SPRED2: variants seen among roughly 807,000 people sequenced by gnomAD.
SPRED2 encodes the protein sprouty related EVH1 domain containing 2, also known as sprouty-related, EVH1 domain-containing protein 2.
In SPRED2, 47 loss-of-function variants were observed where a neutral mutation model predicts 43.0. The observed-to-expected ratio is 1.09, with a 90% CI of 0.87 to 1.40. The LOEUF (loss-of-function observed/expected upper bound fraction) is 1.40. SPRED2 is among the 40% of genes most tolerant of loss of function. SPRED2 has a pLI of 0.00. For missense variants in SPRED2, 561 were observed against 586.4 expected, an observed-to-expected ratio of 0.96 and a Z score of 0.45; for synonymous variants, 225 against 225.7, an observed-to-expected ratio of 1.00 and a Z score of 0.03.
chr2:65,344,836 T>TC lies in SPRED2; in HGVS notation c.86dup (p.Trp30MetfsTer16). ...TCCCGCCTCCTTCCTGTGGGAACCA[T>TC]CCCCCGCTGGAGTCATCTCTGGTCA... is the stretch of plus-strand genomic sequence containing the variant. On this transcript the variant is annotated frameshift_variant, in exon 2 of 6. Coordinates refer to ENST00000356388, the MANE Select transcript of SPRED2 (RefSeq NM_181784.3). LOFTEE classifies it high-confidence loss of function. The TC allele has an allele frequency of 1.2e-6, 2 of 1,614,012 alleles. No individual in the cohort carries two copies. The highest frequency in any genetic ancestry group is 8.5e-7 in the Non-Finnish European group (1 of 1,180,008).
intron 1 of SPRED2, among the ~76,000 whole-genome samples, chr2:65,422,487 G>A (rs1676452943): frequency 6.6e-6 from 1 of 152,190 alleles, no homozygotes; most frequent in South Asian, 2.1e-4. Flanking sequence ...GGCAGGCTAG[G>A]TGCTCTATAT....
At chr2:65,409,272 G>A (rs978533636) in intron 1 of SPRED2, among the ~76,000 whole-genome samples, 4 of 152,188 alleles carry the variant, frequency 2.6e-5, no homozygotes, top group Admixed American at 6.5e-5. Flanking sequence ...ACATGAAAAT[G>A]GAGATGTGCT....
chr2:65,420,934 C>A (rs1378967341), intron 1 of SPRED2, among the ~76,000 whole-genome samples: 1 of 152,224 alleles, frequency 6.6e-6, no homozygotes, highest in South Asian at 2.1e-4. Context: ...AGAAACAACA[C>A]AACCACTTCC....
chr2:65,334,795 G>A (rs764687980), intron 2 of SPRED2, 22 bp from the exon 3 acceptor site: 1 of 1,613,386 alleles, frequency 6.2e-7, no homozygotes, highest in East Asian at 2.2e-5. Context: ...AAACACACAG[G>A]CTGGTTACTA....
chr2:65,329,894 A>C (rs918519621), intron 4 of SPRED2, among the ~76,000 whole-genome samples: 1 of 152,134 alleles, frequency 6.6e-6, no homozygotes, highest in Non-Finnish European at 1.5e-5. Context: ...AACTGAGTTC[A>C]TTTCCTGAAA....
At chr2:65,327,022 T>A (rs1447366311) in intron 4 of SPRED2, among the ~76,000 whole-genome samples, 1 of 151,306 alleles carries the variant, frequency 6.6e-6, no homozygotes, top group Admixed American at 6.6e-5. Flanking sequence ...TTTGAAAAAA[T>A]TTTATGTAGA....
At chr2:65,401,933 GCGCGCACACACACA>G (rs1483716628) in intron 1 of SPRED2, among the ~76,000 whole-genome samples, 12 of 83,822 alleles carry the variant, frequency 1.4e-4, no homozygotes, top group South Asian at 7.1e-4. Flanking sequence ...ATTAGCGCGC[GCGCGCACACACACA>G]CACACACACA....
At chr2:65,358,609 A>C (rs762239660) in intron 1 of SPRED2, among the ~76,000 whole-genome samples, 1 of 152,252 alleles carries the variant, frequency 6.6e-6, no homozygotes, top group Admixed American at 6.5e-5. Flanking sequence ...CCTCTGCTAA[A>C]GCAGCTCAGT....
intron 1 of SPRED2, among the ~76,000 whole-genome samples, chr2:65,419,507 C>T (rs981046208): frequency 1.3e-5 from 2 of 152,038 alleles, no homozygotes; most frequent in African/African-American, 4.8e-5. Flanking sequence ...AACAATAATT[C>T]CCAACTTTCC....
At chr2:65,317,505 T>C (rs990418015) in intron 4 of SPRED2, among the ~76,000 whole-genome samples, 1 of 146,544 alleles carries the variant, frequency 6.8e-6, no homozygotes, top group African/African-American at 2.6e-5. Context: ...AGAGCAAGAC[T>C]CCATCTCAAA....
chr2:65,360,535 T>A (rs1182896090), intron 1 of SPRED2, among the ~76,000 whole-genome samples: 1 of 152,232 alleles, frequency 6.6e-6, no homozygotes, highest in African/African-American at 2.4e-5. Context: ...GGATGAATCT[T>A]GAGGATATTG....
At chr2:65,371,802 G>A (rs1572877119) in intron 1 of SPRED2, among the ~76,000 whole-genome samples, 1 of 152,096 alleles carries the variant, frequency 6.6e-6, no homozygotes, top group Non-Finnish European at 1.5e-5. Flanking sequence ...TCAACCGGGC[G>A]CGGTGGCTCA....
intron 1 of SPRED2, among the ~76,000 whole-genome samples, chr2:65,348,776 AG>A (rs1674423715): frequency 6.9e-6 from 1 of 144,300 alleles, no homozygotes; most frequent in South Asian, 2.3e-4. Flanking sequence ...CTGGGCAACA[AG>A]AGCAAAACTC....
At chr2:65,391,804 T>C (rs1254110593) in intron 1 of SPRED2, among the ~76,000 whole-genome samples, 1 of 152,158 alleles carries the variant, frequency 6.6e-6, no homozygotes, top group Non-Finnish European at 1.5e-5. Context: ...GCATGAAAAA[T>C]GTTCCCTCAC....
At chr2:65,334,209 G>A (rs1270350056) in intron 3 of SPRED2, 5 of 472,116 alleles carry the variant, frequency 1.1e-5, no homozygotes, top group Non-Finnish European at 2.2e-5. Context: ...TCTGATTACA[G>A]GAGGACAGTG....
At position 65,403,662 on chromosome 2, in the gene SPRED2, G is replaced by A. The variant is rs118084664; in HGVS notation, c.26+28300C>T. The stretch of plus-strand genomic sequence containing the variant: ...AATGTAGTCCAAGGAGTAGCATCAT[G>A]GGCAGCACCCAAAAGCTGAAGAAAA... On this transcript the variant is annotated intron_variant, in intron 1 of 5. Transcript: ENST00000356388. Among the ~76,000 whole-genome samples, 71 of 152,250 alleles carry A rather than the reference G, an allele frequency of 4.7e-4. 1 individual carries two copies. The East Asian group carries it at 0.012, about 26-fold the overall frequency.
At chr2:65,331,369 G>T (rs1166253505) in intron 4 of SPRED2, among the ~76,000 whole-genome samples, 1 of 152,196 alleles carries the variant, frequency 6.6e-6, no homozygotes, top group Non-Finnish European at 1.5e-5. Flanking sequence ...AGAAGCACAG[G>T]ATTTAACTGA....
rs374337368 is a variant in SPRED2, at chr2:65,313,838, G to A, written c.920C>T (p.Ser307Leu). 7 of 1,612,394 alleles carry A rather than the reference G, an allele frequency of 4.3e-6. No homozygotes were observed. Among genetic ancestry groups the A allele is most frequent in the South Asian group, 2.2e-5 (2 of 91,068 alleles). ...CATGTCCCTGCAGTACACGCACCGC[G>A]AGCGCTCTCCGTCCTCCTTCCGCCG... The part of the protein sequence containing the change: ...SRRRKEDGER[S>L]RCVYCRDMFN... The change falls in exon 6 of 6, where the codon TCG (serine) becomes TTG (leucine). Residue 307 changes from serine to leucine, a missense_variant. Physicochemically the swap from Ser to Leu is moderately radical, Grantham distance 145. This residue lies in a region of SPRED2 where 164 missense variants were observed against 164.1 expected (regional missense o/e 1.00). Transcript: ENST00000356388.
chr2:65,422,896 A>C (rs1676465546), intron 1 of SPRED2, among the ~76,000 whole-genome samples: 1 of 152,190 alleles, frequency 6.6e-6, no homozygotes, highest in Non-Finnish European at 1.5e-5. Context: ...CATTCTAGCA[A>C]GGCAGATTTG....
Sources: allele counts gnomAD v4.1 joint callset (sites outside exome capture counted in the v4.1 genomes callset), GRCh38; gene constraint gnomAD v4.1.1; regional missense constraint gnomAD v4.1.1; transcripts MANE v1.5; gene names NCBI Gene and HGNC (gene_info 2026-07-23, HGNC 2026-07-21).